DPP10: variants seen among roughly 807,000 people sequenced by gnomAD.
DPP10 encodes the protein dipeptidyl peptidase like 10, also known as inactive dipeptidyl peptidase 10.
A neutral mutation model predicts 120.9 loss-of-function variants in DPP10; 33 were observed. That is an observed-to-expected ratio of 0.27 (90% CI 0.21 to 0.37). DPP10 has a LOEUF of 0.37. Ranked by LOEUF, DPP10 falls within the 10% of genes least tolerant of loss-of-function variation. DPP10 has a pLI of 1.00. For missense variants in DPP10, 816 were observed against 942.8 expected (o/e 0.87, Z 1.76); for synonymous variants, 337 against 326.1 (o/e 1.03, Z -0.36).
At chr2:115,103,701 G>A (rs2048811548) in intron 1 of DPP10, among the ~76,000 whole-genome samples, 1 of 152,138 alleles carries the variant, frequency 6.6e-6, no homozygotes, top group Non-Finnish European at 1.5e-5. Context: ...ATTCAAAATC[G>A]TTTTTCCATG....
In DPP10 at chr2:115,578,547, A is replaced by G. The variant is rs553506976; in HGVS notation, c.441+52575A>G. On this transcript the variant is annotated intron_variant, in intron 5 of 25. Transcript: ENST00000410059. ...GTAGCCCCATTTGCATTCAGTCCTC[A>G]GACAAGCGAAGACATGGACAGTGAG... is the stretch of plus-strand genomic sequence containing the variant. Among the ~76,000 whole-genome samples, 285 of 152,298 alleles carry G rather than the reference A, an allele frequency of 1.9e-3. 1 individual carries two copies. Among genetic ancestry groups the G allele is most frequent in the African/African-American group, 6.5e-3 (270 of 41,574 alleles).
At chr2:115,447,374 T>C (rs1395706198) in intron 3 of DPP10, among the ~76,000 whole-genome samples, 1 of 152,160 alleles carries the variant, frequency 6.6e-6, no homozygotes, top group African/African-American at 2.4e-5. Context: ...TTTCAGACTT[T>C]TGGGTTACTG....
intron 1 of DPP10, among the ~76,000 whole-genome samples, chr2:115,250,361 G>T (rs1159443942): frequency 1.3e-5 from 2 of 152,142 alleles, no homozygotes. Flanking sequence ...GCCTTTAGTC[G>T]CAGAAGTTAA....
At chr2:114,786,087 T>A (rs1189607680) in intron 1 of DPP10, among the ~76,000 whole-genome samples, 1 of 152,180 alleles carries the variant, frequency 6.6e-6, no homozygotes, top group African/African-American at 2.4e-5. Flanking sequence ...AGCAGCTTAA[T>A]CAGATAAAAG....
chr2:114,652,454 T>C (rs1463437914), intron 1 of DPP10, among the ~76,000 whole-genome samples: 1 of 152,178 alleles, frequency 6.6e-6, no homozygotes, highest in Non-Finnish European at 1.5e-5. Flanking sequence ...TTTTGCTTCA[T>C]TCCCAGTAGC....
At chr2:115,490,294 G>C (rs1001039883) in intron 3 of DPP10, among the ~76,000 whole-genome samples, 4 of 152,148 alleles carry the variant, frequency 2.6e-5, no homozygotes, top group Non-Finnish European at 5.9e-5. Context: ...GCAGGAGAGA[G>C]AATGAGTGCC....
At chr2:115,426,827 A>G (rs2104735761) in intron 3 of DPP10, among the ~76,000 whole-genome samples, 1 of 152,344 alleles carries the variant, frequency 6.6e-6, no homozygotes, top group East Asian at 1.9e-4. Flanking sequence ...AGTCCCCCAA[A>G]GTCTTAACTC....
chr2:115,693,123 T>G (rs2091406314), intron 7 of DPP10, among the ~76,000 whole-genome samples: 1 of 152,216 alleles, frequency 6.6e-6, no homozygotes, highest in South Asian at 2.1e-4. Context: ...AGACATTATA[T>G]TTGCTTTTAT....
intron 24 of DPP10, among the ~76,000 whole-genome samples, chr2:115,840,318 G>GTTTTT (rs1559227733): frequency 6.9e-4 from 22 of 31,882 alleles, no homozygotes; most frequent in African/African-American, 2.2e-3. Flanking sequence ...AAGGTTTTTT[G>GTTTTT]GTTTTTTTTT....
chr2:115,672,617 G>T (rs946398936), intron 5 of DPP10, among the ~76,000 whole-genome samples: 4 of 102,480 alleles, frequency 3.9e-5, no homozygotes, highest in Non-Finnish European at 2.1e-5. Context: ...TCATCATGGC[G>T]CCCCTTCTTT....
At chr2:115,021,629 G>C (rs1450410885) in intron 1 of DPP10, among the ~76,000 whole-genome samples, 1 of 152,066 alleles carries the variant, frequency 6.6e-6, no homozygotes, top group Non-Finnish European at 1.5e-5. Context: ...CCAAAAGATA[G>C]AGAAAGAGGG....
At chr2:115,750,085 TCTG>T in intron 10 of DPP10, 3 of 985,382 alleles carry the variant, frequency 3.0e-6, no homozygotes, top group Non-Finnish European at 2.4e-6. Context: ...AAGGGACACT[TCTG>T]CTGGCCACTG....
intron 1 of DPP10, among the ~76,000 whole-genome samples, chr2:114,492,115 T>TA: frequency 1.3e-5 from 2 of 152,312 alleles, no homozygotes; most frequent in South Asian, 4.1e-4. Flanking sequence ...GGGCATCAGT[T>TA]GAAAGTGTTT....
intron 1 of DPP10, among the ~76,000 whole-genome samples, chr2:114,759,428 C>T (rs1035347495): frequency 1.3e-5 from 2 of 151,538 alleles, no homozygotes; most frequent in Non-Finnish European, 2.9e-5. Flanking sequence ...TATTTACTTT[C>T]TTCTACATTA....
At chr2:115,669,927 G>T (rs866364184) in intron 5 of DPP10, among the ~76,000 whole-genome samples, 9 of 152,106 alleles carry the variant, frequency 5.9e-5, no homozygotes, top group African/African-American at 1.2e-4. Context: ...GATGCCAGTT[G>T]TCTGTTTTAG....
chr2:115,483,254 A>G (rs188266700), intron 3 of DPP10, among the ~76,000 whole-genome samples: 1 of 152,232 alleles, frequency 6.6e-6, no homozygotes, highest in East Asian at 1.9e-4. Flanking sequence ...ATATTAAAAC[A>G]ACTTATTTTG....
intron 1 of DPP10, among the ~76,000 whole-genome samples, chr2:114,734,436 T>G (rs13428370): frequency 0.14 from 21,296 of 152,154 alleles, 1,939 homozygotes; most frequent in African/African-American, 0.26. Context: ...TCCACCAGAA[T>G]ATGTTTAAAT....
intron 2 of DPP10, among the ~76,000 whole-genome samples, chr2:115,334,547 T>C (rs72840723): frequency 6.6e-6 from 1 of 152,036 alleles, no homozygotes; most frequent in Non-Finnish European, 1.5e-5. Context: ...AATACACTTC[T>C]GAAAAGAGAC....
chr2:115,398,093 A>ATATT (rs2067811458), intron 3 of DPP10, among the ~76,000 whole-genome samples: 1 of 152,132 alleles, frequency 6.6e-6, no homozygotes, highest in South Asian at 2.1e-4. Context: ...ATTTAAAGAC[A>ATATT]TATTCATGCA....
Sources: gnomAD v4.1 joint callset for allele counts (sites outside exome capture counted in the v4.1 genomes callset) on GRCh38, gnomAD v4.1.1 for gene constraint, MANE v1.5 for transcripts, NCBI Gene and HGNC (gene_info 2026-07-23, HGNC 2026-07-21) for gene names.